Variants in VPS36 observed in about 807,000 individuals in gnomAD.
VPS36 encodes the protein vacuolar protein-sorting-associated protein 36.
A neutral mutation model predicts 63.5 loss-of-function variants in VPS36; 31 were observed. The observed-to-expected ratio is 0.49, with a 90% CI of 0.37 to 0.66. The LOEUF is 0.66. Among genes scored for constraint, VPS36 ranks in the 30% least tolerant of loss-of-function variants. VPS36 has a pLI of 0.00. For synonymous variants in VPS36, 138 were observed against 157.2 expected, an observed-to-expected ratio of 0.88 and a Z score of 0.91; for missense variants, 338 against 463.7, an observed-to-expected ratio of 0.73 and a Z score of 2.49.
intron 10 of VPS36, among the ~76,000 whole-genome samples, chr13:52,422,250 T>A (rs1173892050): frequency 2.0e-5 from 3 of 152,212 alleles, no homozygotes; most frequent in Non-Finnish European, 4.4e-5. Context: ...TCACTTAACA[T>A]AAGGACTTCC....
At chr13:52,427,105 C>G in intron 7 of VPS36, 39 bp from the exon 8 acceptor site, 2 of 1,602,890 alleles carry the variant, frequency 1.2e-6, no homozygotes, top group Non-Finnish European at 1.7e-6. Flanking sequence ...GCACTATTGT[C>G]CCCAAAATGT....
intron 10 of VPS36, among the ~76,000 whole-genome samples, chr13:52,421,494 C>CTT (rs202049229): frequency 1.0e-5 from 1 of 96,056 alleles, no homozygotes; most frequent in Non-Finnish European, 2.3e-5. Flanking sequence ...GCAGTGTATT[C>CTT]TTTTTTTTTT....
At chr13:52,418,079 T>C in intron 10 of VPS36, 23 bp from the exon 11 acceptor site, 5 of 1,595,800 alleles carry the variant, frequency 3.1e-6, no homozygotes, top group Non-Finnish European at 2.6e-6. Context: ...AAAAATCCAG[T>C]AATGCTATAC....
intron 1 of VPS36, among the ~76,000 whole-genome samples, chr13:52,447,774 A>G (rs1958360350): frequency 1.4e-5 from 2 of 145,650 alleles, no homozygotes; most frequent in South Asian, 4.4e-4. Flanking sequence ...TGACTGCTAC[A>G]TTATGAAGTC....
chr13:52,439,602 C>T (rs541131487), intron 2 of VPS36, among the ~76,000 whole-genome samples: 7 of 152,064 alleles, frequency 4.6e-5, no homozygotes, highest in Non-Finnish European at 8.8e-5. Context: ...CCCGCCACCA[C>T]GTCCGGCTAA....
intron 5 of VPS36, among the ~76,000 whole-genome samples, chr13:52,434,550 G>T (rs1320826519): frequency 2.6e-5 from 4 of 152,002 alleles, no homozygotes; most frequent in Admixed American, 1.3e-4. Flanking sequence ...GTAGAGACAG[G>T]GTTTCACAAT....
At chr13:52,431,442 T>C (rs1397341758) in intron 6 of VPS36, among the ~76,000 whole-genome samples, 2 of 152,138 alleles carry the variant, frequency 1.3e-5, no homozygotes, top group African/African-American at 4.8e-5. Flanking sequence ...AGGCAGATTG[T>C]GGTTCTGAAA....
At chr13:52,435,681 T>C (rs1243670307) in intron 4 of VPS36, among the ~76,000 whole-genome samples, 2 of 152,224 alleles carry the variant, frequency 1.3e-5, no homozygotes, top group Non-Finnish European at 2.9e-5. Flanking sequence ...AGAAAAACTT[T>C]AGTCAATCAC....
chr13:52,415,796 C>T lies in VPS36; in HGVS notation c.*34G>A. ...TCATACAACCTCTACATGACGCAAGCATATGGACAAAAAGGATTTTAAATA... is the reference window on the plus strand; with the variant it reads ...TCATACAACCTCTACATGACGCAAGTATATGGACAAAAAGGATTTTAAATA... On this transcript the variant is annotated 3_prime_UTR_variant, in exon 14 of 14. Coordinates refer to ENST00000378060, the MANE Select transcript of VPS36 (RefSeq NM_016075.4). 6.3e-7 allele frequency: 1 copy of T among 1,597,460 alleles called. No individual in the cohort carries two copies. The highest frequency in any genetic ancestry group is 8.6e-7 in the Non-Finnish European group (1 of 1,166,682).
Position 52,432,626 on chromosome 13 carries a change from C to T in VPS36, c.528+1036G>A, listed in dbSNP as rs1217084310. Among the ~76,000 whole-genome samples the T allele has an allele frequency of 2.6e-5, 4 of 152,286 alleles. 1 individual carries two copies. In the East Asian group the frequency reaches 7.7e-4, roughly 29 times the overall value. On this transcript the variant is annotated intron_variant, in intron 6 of 13. Coordinates refer to ENST00000378060, the MANE Select transcript of VPS36 (RefSeq NM_016075.4). The stretch of plus-strand genomic sequence containing the variant: ...TGAATATTAACAGCTGCTAACATGA[C>T]AGAGATAAGATGTGCCTCTGACGAA...
chr13:52,435,390 G>A lies in VPS36; in HGVS notation c.352-508C>T, dbSNP rs79631149. Among the ~76,000 whole-genome samples the A allele has an allele frequency of 7.4e-3, 1,119 of 150,310 alleles. 6 individuals carry two copies. The highest frequency in any genetic ancestry group is 0.017 in the African/African-American group (695 of 41,042). On this transcript the variant is annotated intron_variant, in intron 4 of 13. Transcript: ENST00000378060. ...CTTGGATCAGCTTCAGAAAGCACAA[G>A]GGAAAAAAAAAAAGAGAAGGAACTG...
chr13:52,444,495 T>A (rs1820806324), intron 1 of VPS36, among the ~76,000 whole-genome samples: 1 of 147,672 alleles, frequency 6.8e-6, no homozygotes, highest in Admixed American at 6.8e-5. Context: ...TATAAATACA[T>A]ATACATATAT....
chr13:52,417,019 GCAAGC>G, intron 12 of VPS36, 33 bp downstream of exon 12: 1 of 1,578,226 alleles, frequency 6.3e-7, no homozygotes, highest in Non-Finnish European at 8.7e-7. Flanking sequence ...GGTCTTCATA[GCAAGC>G]TCTAAAGACT....
intron 1 of VPS36, among the ~76,000 whole-genome samples, chr13:52,444,737 A>G (rs1307950542): frequency 1.3e-5 from 2 of 151,778 alleles, no homozygotes; most frequent in Admixed American, 1.3e-4. Context: ...CACACAGAAT[A>G]CGCTAAAAGT....
Position 52,442,371 on chromosome 13 carries a change from T to C in VPS36, c.165+6A>G. 1 of 1,601,746 alleles carries C rather than the reference T, an allele frequency of 6.2e-7. No homozygotes were observed. On this transcript the variant is annotated splice_donor_region_variant and intron_variant, in intron 2 of 13. Transcript: ENST00000378060. ...CCTACAACAGATGCAAAAAACTGTA[T>C]CTTACATGATTTTTCTGATCTCTCC...
At chr13:52,425,252 C>CAAA (rs748988364) in intron 9 of VPS36, among the ~76,000 whole-genome samples, 1 of 67,320 alleles carries the variant, frequency 1.5e-5, no homozygotes, top group Non-Finnish European at 3.1e-5. Flanking sequence ...GACTCCGCCT[C>CAAA]AAAAAAAAAA....
chr13:52,432,377 A>G (rs1447632432), intron 6 of VPS36, among the ~76,000 whole-genome samples: 1 of 151,588 alleles, frequency 6.6e-6, no homozygotes, highest in African/African-American at 2.4e-5. Flanking sequence ...CAAAACAAAA[A>G]AACAAACAAA....
At chr13:52,439,290 A>G in intron 2 of VPS36, 122 bp from the exon 3 acceptor site, 2 of 777,790 alleles carry the variant, frequency 2.6e-6, no homozygotes, top group East Asian at 2.7e-5. Flanking sequence ...ATGAAAAACA[A>G]TAATGATTTT....
chr13:52,418,153 G>T (rs1269469939), intron 10 of VPS36, 97 bp from the exon 11 acceptor site: 1 of 1,137,680 alleles, frequency 8.8e-7, no homozygotes, highest in Non-Finnish European at 1.2e-6. Flanking sequence ...ATAATTTTAG[G>T]TGATTTAATC....
Sources: allele counts gnomAD v4.1 joint callset (sites outside exome capture counted in the v4.1 genomes callset), GRCh38; gene constraint gnomAD v4.1.1; transcripts MANE v1.5; gene names NCBI Gene and HGNC (gene_info 2026-07-23, HGNC 2026-07-21).